The following USP8 variants were observed in gnomAD, a reference collection of about 807,000 sequenced individuals.
USP8 encodes the protein ubiquitin carboxyl-terminal hydrolase 8.
A neutral mutation model predicts 130.0 loss-of-function variants in USP8; 27 were observed. The observed-to-expected ratio is 0.21, with a 90% confidence interval of 0.15 to 0.29. The LOEUF (loss-of-function observed/expected upper bound fraction) is 0.29, where lower values mean the gene tolerates loss of function less well. USP8 is among the 10% of genes least tolerant of loss of function. The pLI is 1.00. For synonymous variants in USP8, 392 were observed against 444.1 expected, an observed-to-expected ratio of 0.88 and a Z score of 1.48; for missense variants, 1,029 against 1,312.2, an observed-to-expected ratio of 0.78 and a Z score of 3.33.
intron 4 of USP8, among the ~76,000 whole-genome samples, chr15:50,451,410 CA>C (rs988990530): frequency 6.6e-6 from 1 of 150,632 alleles, no homozygotes; most frequent in Non-Finnish European, 1.5e-5. Flanking sequence ...GACTCTGTCT[CA>C]AAAAAAGAAA....
Position 50,506,742 on chromosome 15 carries a change from GA to G in USP8, c.*7655del, listed in dbSNP as rs2052665012. 1.3e-5 allele frequency: 2 copies of G among 151,274 alleles called. No individual in the cohort carries two copies. The highest frequency in any genetic ancestry group is 2.9e-5 in the Non-Finnish European group (2 of 67,840). 9.4% of individuals were successfully genotyped at this position (151,274 alleles called of 1,614,324 possible). On this transcript the variant is annotated 3_prime_UTR_variant, in exon 20 of 20. Coordinates refer to ENST00000307179, the MANE Select transcript of USP8 (RefSeq NM_005154.5). ...GGGGAGGCCGAGGGGGGCGGATCACGAGGTCAGGAGATCAAGACTATCCTGG... is the reference window on the plus strand; with the variant it reads ...GGGGAGGCCGAGGGGGGCGGATCACGGGTCAGGAGATCAAGACTATCCTGG...
chr15:50,483,072 A>G (rs888297806), intron 11 of USP8, among the ~76,000 whole-genome samples: 3 of 152,240 alleles, frequency 2.0e-5, no homozygotes, highest in African/African-American at 7.2e-5. Flanking sequence ...TGTGCACTCC[A>G]AGATACAATT....
At chr15:50,432,466 T>A (rs1021716414) in intron 1 of USP8, 1 of 152,220 alleles carries the variant, frequency 6.6e-6, no homozygotes, top group Non-Finnish European at 1.5e-5. Context: ...CACTGCTTTT[T>A]GCATGGAGAA....
Position 50,462,296 on chromosome 15 carries a change from A to G in USP8, c.515A>G (p.Asn172Ser), listed in dbSNP as rs147121994. 1.1e-4 allele frequency: 174 copies of G among 1,603,156 alleles called. No individual in the cohort carries two copies. The highest frequency in any genetic ancestry group is 1.4e-4 in the Non-Finnish European group (166 of 1,177,310). Residue 172 changes from asparagine (N) to serine (S), a missense_variant, in exon 6 of 20, where the codon AAT becomes AGT. Around this residue, in one of 4 missense-constraint regions of USP8, gnomAD observed 281 missense variants for 336.7 expected, o/e 0.83. Coordinates refer to ENST00000307179, the MANE Select transcript of USP8 (RefSeq NM_005154.5). ...DKTQKSNGEK[N>S]EKCETKEKGA... ...ATGCAATAGAGCAATGGTGAAAAGAATGAAAAATGTGAGACCAAAGAGAAA... is the reference window on the plus strand; with the variant it reads ...ATGCAATAGAGCAATGGTGAAAAGAGTGAAAAATGTGAGACCAAAGAGAAA...
In USP8 at chr15:50,508,286, A is replaced by G. The variant is rs183530701; in HGVS notation, c.*9198A>G. 3 of 152,286 alleles carry G rather than the reference A, an allele frequency of 2.0e-5. No homozygotes were observed. In the South Asian group the frequency reaches 6.2e-4, roughly 32 times the overall value. 9.4% of individuals were successfully genotyped at this position (152,286 alleles called of 1,614,324 possible). On this transcript the variant is annotated 3_prime_UTR_variant, in exon 20 of 20. Transcript: ENST00000307179. ...AATACTATATCAAAACATGGGATGCACTGATGTCTGAGAATGTCTTAAAAA... is the reference window on the plus strand; with the variant it reads ...AATACTATATCAAAACATGGGATGCGCTGATGTCTGAGAATGTCTTAAAAA...
rs1270796141 is a variant in USP8, at chr15:50,500,967, T to C, written c.*1879T>C. The stretch of plus-strand genomic sequence containing the variant: ...AAATTAAAAGGAAGTGATAATTTTG[T>C]TGTTAAATCATGCATATAGCCTGAC... On this transcript the variant is annotated 3_prime_UTR_variant, in exon 20 of 20. Transcript: ENST00000307179. The C allele has an allele frequency of 3.8e-6, 3 of 799,992 alleles. No individual in the cohort carries two copies. Among genetic ancestry groups the C allele is most frequent in the Non-Finnish European group, 6.1e-6 (3 of 492,618 alleles). 49.6% of individuals were successfully genotyped at this position (799,992 alleles called of 1,614,324 possible).
At chr15:50,486,743 G>A (rs886092381) in intron 12 of USP8, among the ~76,000 whole-genome samples, 6 of 152,170 alleles carry the variant, frequency 3.9e-5, no homozygotes, top group African/African-American at 1.4e-4. Flanking sequence ...AATGGACTTT[G>A]GGGACTTGGG....
intron 15 of USP8, 31 bp from the exon 16 acceptor site, chr15:50,494,039 T>C (rs368423333): frequency 6.3e-7 from 1 of 1,590,438 alleles, no homozygotes; most frequent in African/African-American, 1.4e-5. Context: ...ATTTCCTTTA[T>C]TGTCTTTTGT....
At position 50,471,562 on chromosome 15, in the gene USP8, GA is replaced by G. The variant is rs1311265267; in HGVS notation, c.687-70del. The G allele has an allele frequency of 2.0e-6, 3 of 1,528,886 alleles. No individual in the cohort carries two copies. The African/African-American group carries it at 4.2e-5, about 21-fold the overall frequency. The allele number at this position is 1,528,886 out of a possible 1,614,324, so 94.7% of individuals were successfully genotyped here. A position where few individuals can be genotyped will look rare whatever the true frequency, so the allele number is the denominator to read the frequency against. ...GTGGTAAAGACTGTGGAACAAAACT[GA>G]GTGTCTTCTGTTAGTATATTAGGAC... On this transcript the variant is annotated intron_variant, in intron 7 of 19. Transcript: ENST00000307179.
chr15:50,477,080 G>T, intron 9 of USP8, 87 bp downstream of exon 9: 2 of 1,528,068 alleles, frequency 1.3e-6, no homozygotes, highest in Admixed American at 2.2e-5. Flanking sequence ...GGTTGTGTGT[G>T]TATTTGTCCT....
chr15:50,478,512 A>G (rs1460903761), intron 10 of USP8, among the ~76,000 whole-genome samples: 1 of 152,226 alleles, frequency 6.6e-6, no homozygotes, highest in Non-Finnish European at 1.5e-5. Flanking sequence ...TTTTTGTTAT[A>G]AACTGAAGTG....
At chr15:50,444,817 GCA>G (rs2050372261) in intron 3 of USP8, among the ~76,000 whole-genome samples, 1 of 152,106 alleles carries the variant, frequency 6.6e-6, no homozygotes, top group Non-Finnish European at 1.5e-5. Context: ...AGTGCGGTGG[GCA>G]CAGTCATGGT....
chr15:50,426,268 CAT>C (rs1426050443), intron 1 of USP8, among the ~76,000 whole-genome samples: 1 of 152,062 alleles, frequency 6.6e-6, no homozygotes, highest in Admixed American at 6.6e-5. Context: ...AAAATGCACT[CAT>C]ATTTATGGAA....
At chr15:50,498,329 G>A in intron 18 of USP8, 2 of 302,908 alleles carry the variant, frequency 6.6e-6, no homozygotes, top group Non-Finnish European at 1.2e-5. Context: ...TGTAGCAGTT[G>A]TAGCTGGACC....
At chr15:50,445,725 C>T (rs2141262062) in intron 3 of USP8, among the ~76,000 whole-genome samples, 1 of 150,296 alleles carries the variant, frequency 6.7e-6, no homozygotes, top group African/African-American at 2.4e-5. Flanking sequence ...GGTGTGGTGG[C>T]AGGCGCCTGT....
chr15:50,477,356 G>A lies in USP8; in HGVS notation c.1075G>A (p.Asp359Asn). 1 of 1,614,092 alleles carries A rather than the reference G, an allele frequency of 6.2e-7. No individual in the cohort carries two copies. ...AQTPPASIEV[D>N]ENIELISGQN... is the part of the protein sequence containing the mutation. ...GACGCCACCTGCATCTATAGAAGTA[G>A]ATGAAAATATAGAATTGATAAGTGG... The change falls in exon 10 of 20, where the codon GAT (aspartate) becomes AAT (asparagine). Residue 359 changes from aspartate (D) to asparagine (N), a missense_variant. Around this residue, in one of 4 missense-constraint regions of USP8, gnomAD observed 486 missense variants for 522.0 expected, o/e 0.93. Transcript: ENST00000307179.
At chr15:50,425,808 T>C (rs1447286735) in intron 1 of USP8, among the ~76,000 whole-genome samples, 1 of 152,152 alleles carries the variant, frequency 6.6e-6, no homozygotes, top group East Asian at 1.9e-4. Context: ...TGGACTTTAA[T>C]CTTTATGGGC....
At chr15:50,482,527 C>T (rs761813899) in intron 11 of USP8, among the ~76,000 whole-genome samples, 12 of 152,166 alleles carry the variant, frequency 7.9e-5, no homozygotes, top group Non-Finnish European at 1.5e-4. Flanking sequence ...TTGGTCAGAT[C>T]GGTGTCATTT....
intron 4 of USP8, among the ~76,000 whole-genome samples, chr15:50,454,312 A>G (rs1310438127): frequency 1.3e-5 from 2 of 151,282 alleles, no homozygotes; most frequent in Non-Finnish European, 2.9e-5. Context: ...CCTCATTTTT[A>G]TTTTCTTGCT....
Sources: gnomAD v4.1 joint callset for allele counts (sites outside exome capture counted in the v4.1 genomes callset) on GRCh38, gnomAD v4.1.1 for gene constraint, gnomAD v4.1.1 regional missense constraint, MANE v1.5 for transcripts, NCBI Gene and HGNC (gene_info 2026-07-23, HGNC 2026-07-21) for gene names.